Variants in KANK1 observed in about 807,000 individuals in gnomAD.
KANK1 encodes KN motif and ankyrin repeat domain-containing protein 1.
A neutral mutation model predicts 106.2 loss-of-function variants in KANK1; 109 were observed. That is an observed-to-expected ratio of 1.03 (90% CI 0.88 to 1.20). The LOEUF is 1.20. Among genes scored for constraint, KANK1 ranks in the 50% most tolerant of loss-of-function variants. The pLI is 0.00. For synonymous variants in KANK1, 873 were observed against 652.2 expected, an observed-to-expected ratio of 1.34 and a Z score of -5.16; for missense variants, 2,399 against 1,710.7, an observed-to-expected ratio of 1.40 and a Z score of -7.10.
At chr9:579,642 T>TG (rs1337359814) in intron 1 of KANK1, among the ~76,000 whole-genome samples, 9 of 151,996 alleles carry the variant, frequency 5.9e-5, no homozygotes, top group Non-Finnish European at 1.2e-4. Flanking sequence ...TGAGCCATGG[T>TG]GGGGGAGGTA....
In KANK1 at chr9:603,788, C is replaced by T. The variant is rs1156951786; in HGVS notation, c.-83-73102C>T. 5.4e-4 allele frequency among the ~76,000 whole-genome samples: 82 copies of T among 151,154 alleles called. 2 individuals carry two copies. Among genetic ancestry groups the T allele is most frequent in the Non-Finnish European group, 6.0e-4 (41 of 67,888 alleles). On this transcript the variant is annotated intron_variant, in intron 1 of 11. Transcript: ENST00000382297. ...CTGGCCAATGTGGCGAAACCCACCC[C>T]GTCTCTACTAAAAATACAAAAATTA... is the stretch of plus-strand genomic sequence containing the variant.
chr9:644,645 C>T (rs1839252402), intron 1 of KANK1, among the ~76,000 whole-genome samples: 2 of 150,714 alleles, frequency 1.3e-5, no homozygotes, highest in South Asian at 4.1e-4. Flanking sequence ...ATGGTGCTGG[C>T]CCATTCATGA....
At chr9:738,592 TTC>T in intron 8 of KANK1, 88 bp downstream of exon 8, 2 of 1,007,166 alleles carry the variant, frequency 2.0e-6, no homozygotes, top group Non-Finnish European at 3.1e-6. Context: ...CACTCCTGAA[TTC>T]TCTGACCATG....
intron 3 of KANK1, among the ~76,000 whole-genome samples, chr9:482,316 G>A (rs1005129636): frequency 6.6e-6 from 1 of 152,180 alleles, no homozygotes; most frequent in Non-Finnish European, 1.5e-5. Context: ...AGAAGTGAGG[G>A]GGCACAAACT....
intron 3 of KANK1, among the ~76,000 whole-genome samples, chr9:495,908 G>A (rs1306781643): frequency 6.6e-6 from 1 of 152,132 alleles, no homozygotes; most frequent in Admixed American, 6.5e-5. Flanking sequence ...TTTCCTTGCT[G>A]AGGAAGAAAA....
intron 1 of KANK1, among the ~76,000 whole-genome samples, chr9:648,757 TC>T (rs1449007982): frequency 3.3e-5 from 5 of 152,168 alleles, no homozygotes; most frequent in African/African-American, 1.2e-4. Flanking sequence ...TTGAAGCTTA[TC>T]TAAGACAATG....
chr9:598,873 C>G (rs1826982815), intron 1 of KANK1, among the ~76,000 whole-genome samples: 1 of 149,866 alleles, frequency 6.7e-6, no homozygotes, highest in African/African-American at 2.5e-5. Flanking sequence ...CTCAGGTGAT[C>G]CGCCCTCCTC....
chr9:730,238 T>C lies in KANK1; in HGVS notation c.2886T>C (p.Ala962=), dbSNP rs753324477. 2.5e-6 allele frequency: 4 copies of C among 1,614,212 alleles called. No homozygotes were observed. The South Asian group carries it at 3.3e-5, about 13-fold the overall frequency. The change falls in exon 4 of 12, where the codon GCT becomes GCC. Residue 962 remains alanine (A), a synonymous_variant. Transcript: ENST00000382297. ...ACCTGACAGACGACCAGATCGCCGC[T>C]GGCCTCTATGGTAACTTTTCTCACT... ...PVNLTDDQIA[A]GLYACTNNES...
At chr9:621,497 C>G (rs537289301) in intron 1 of KANK1, among the ~76,000 whole-genome samples, 1 of 152,288 alleles carries the variant, frequency 6.6e-6, no homozygotes, top group Admixed American at 6.5e-5. Flanking sequence ...GGGAAAAAAC[C>G]ACACATACAA....
chr9:586,927 A>G lies in KANK1; in HGVS notation c.-84+82173A>G, dbSNP rs115049159. On this transcript the variant is annotated intron_variant, in intron 1 of 11. Coordinates refer to ENST00000382297, the MANE Select transcript of KANK1 (RefSeq NM_015158.5). The stretch of plus-strand genomic sequence containing the variant: ...TCCAAAATGCGTAGCAGTCTCTAGT[A>G]TTGATTCCCCTCTCCTGCAGATCTC... Among the ~76,000 whole-genome samples the G allele has an allele frequency of 5.5e-3, 836 of 152,314 alleles. 12 individuals are homozygous for G. Among genetic ancestry groups the G allele is most frequent in the African/African-American group, 0.019 (786 of 41,578 alleles).
rs112723395 is a variant in KANK1 at position 672,351 on chromosome 9, T to G, written c.-83-4539T>G. ...TTGAATGTAACAATTGCATCAGTGG[T>G]AAGGTATGCATTTTTCTCATATGGC... On this transcript the variant is annotated intron_variant, in intron 1 of 11. Coordinates refer to ENST00000382297, the MANE Select transcript of KANK1 (RefSeq NM_015158.5). 1.9e-3 allele frequency among the ~76,000 whole-genome samples: 285 copies of G among 152,320 alleles called. 7 individuals carry two copies. Among genetic ancestry groups the G allele is most frequent in the African/African-American group, 6.7e-3 (278 of 41,564 alleles).
At chr9:618,744 G>GAA (rs1178991143) in intron 1 of KANK1, among the ~76,000 whole-genome samples, 1 of 152,034 alleles carries the variant, frequency 6.6e-6, no homozygotes, top group African/African-American at 2.4e-5. Flanking sequence ...ATCCAAACTG[G>GAA]TCATTTGGGA....
chr9:493,291 C>T (rs1185489388), intron 3 of KANK1, among the ~76,000 whole-genome samples: 3 of 152,128 alleles, frequency 2.0e-5, no homozygotes, highest in Non-Finnish European at 4.4e-5. Flanking sequence ...TGTCATGGGA[C>T]AGTTCACGTG....
chr9:529,233 A>G (rs768923549), intron 1 of KANK1, among the ~76,000 whole-genome samples: 6 of 142,076 alleles, frequency 4.2e-5, no homozygotes, highest in Non-Finnish European at 9.1e-5. Context: ...ATATATATAT[A>G]TACACACACA....
chr9:734,845 A>G lies in KANK1; in HGVS notation c.3333+10A>G. 1 of 1,589,046 alleles carries G rather than the reference A, an allele frequency of 6.3e-7. No individual in the cohort carries two copies. The highest frequency in any genetic ancestry group is 8.6e-7 in the Non-Finnish European group (1 of 1,157,162). On this transcript the variant is annotated intron_variant, in intron 7 of 11. Transcript: ENST00000382297. ...GACCAGCAAAGATATGGTGAGTCTG[A>G]CCTGCAAACACCATCCCCAGTGTGT...
intron 3 of KANK1, among the ~76,000 whole-genome samples, chr9:720,690 T>C (rs1829076355): frequency 1.3e-5 from 2 of 152,322 alleles, no homozygotes; most frequent in South Asian, 4.1e-4. Context: ...GGGGTTTCAT[T>C]CTGTCACCCA....
intron 1 of KANK1, among the ~76,000 whole-genome samples, chr9:537,062 G>A (rs1452612317): frequency 6.6e-6 from 1 of 152,268 alleles, no homozygotes; most frequent in South Asian, 2.1e-4. Context: ...GACCACTTGA[G>A]TTGTGACTCT....
intron 1 of KANK1, among the ~76,000 whole-genome samples, chr9:670,502 C>A (rs565759768): frequency 1.3e-5 from 2 of 152,120 alleles, no homozygotes; most frequent in Non-Finnish European, 2.9e-5. Flanking sequence ...CAGAGGATTG[C>A]CTGGCTGGAA....
chr9:479,061 C>G (rs2058157470), intron 3 of KANK1, among the ~76,000 whole-genome samples: 1 of 152,090 alleles, frequency 6.6e-6, no homozygotes, highest in Admixed American at 6.6e-5. Flanking sequence ...GGATTACAGC[C>G]ACCCATAGAT....
Sources: allele counts gnomAD v4.1 joint callset (sites outside exome capture counted in the v4.1 genomes callset), GRCh38; gene constraint gnomAD v4.1.1; transcripts MANE v1.5; gene names NCBI Gene and HGNC (gene_info 2026-07-23, HGNC 2026-07-21).